Variants in SAMD5 observed in about 807,000 individuals in gnomAD.
The protein encoded by SAMD5 is sterile alpha motif domain containing 5.
In SAMD5, 13 loss-of-function variants were observed where a neutral mutation model predicts 11.3. The observed-to-expected ratio is 1.15, with a 90% confidence interval of 0.75 to 1.83. SAMD5 has a LOEUF of 1.83. Ranked by LOEUF, SAMD5 falls within the 40% of genes most tolerant of loss-of-function variation. The pLI, the probability that SAMD5 is intolerant of heterozygous loss-of-function variation, is 0.00. For synonymous variants in SAMD5, 129 were observed against 111.3 expected (o/e 1.16, Z -1.00); for missense variants, 255 against 239.1 (o/e 1.07, Z -0.44).
chr6:147,942,646 G>C, the SAMD5 span, among the ~76,000 whole-genome samples: 7 of 152,208 alleles, frequency 4.6e-5, no homozygotes, highest in Admixed American at 2.0e-4. Flanking sequence ...AGAGGCTCCT[G>C]TGGAAAAGCT....
intron 1 of SAMD5, among the ~76,000 whole-genome samples, chr6:147,605,871 G>A (rs1237648041): frequency 6.6e-6 from 1 of 152,066 alleles, no homozygotes; most frequent in African/African-American, 2.4e-5. Flanking sequence ...AAAAGGCAAA[G>A]GGAATAAAAC....
the SAMD5 span, among the ~76,000 whole-genome samples, chr6:147,915,449 T>C: frequency 6.6e-6 from 1 of 152,252 alleles, no homozygotes; most frequent in Non-Finnish European, 1.5e-5. Flanking sequence ...TGAGTTTGAA[T>C]ACTAGTCCAC....
chr6:147,761,105 C>T, the SAMD5 span, among the ~76,000 whole-genome samples: 3 of 152,088 alleles, frequency 2.0e-5, no homozygotes, highest in Admixed American at 2.0e-4. Flanking sequence ...CCTAACAATT[C>T]TCTAATTAAA....
chr6:147,697,425 A>C (rs1383324609), intron 1 of SAMD5, among the ~76,000 whole-genome samples: 2 of 152,238 alleles, frequency 1.3e-5, no homozygotes, highest in Non-Finnish European at 2.9e-5. Flanking sequence ...GCATGATTAC[A>C]GAAAACATGG....
chr6:147,775,479 C>G, the SAMD5 span, among the ~76,000 whole-genome samples: 4 of 152,282 alleles, frequency 2.6e-5, no homozygotes, highest in South Asian at 6.2e-4. Flanking sequence ...TCACACATCA[C>G]TATTCTTTTC....
chr6:147,744,956 G>T, the SAMD5 span, among the ~76,000 whole-genome samples: 1 of 141,856 alleles, frequency 7.0e-6, no homozygotes, highest in African/African-American at 2.9e-5. Context: ...ATCACCGGGT[G>T]TGAGGTTTAC....
chr6:147,738,368 G>A (rs536770428), downstream of SAMD5, among the ~76,000 whole-genome samples: 25 of 152,202 alleles, frequency 1.6e-4, no homozygotes, highest in African/African-American at 3.6e-4. Flanking sequence ...TACCTGTTTC[G>A]TTTCAAAATT....
the SAMD5 span, among the ~76,000 whole-genome samples, chr6:147,816,281 C>CAA: frequency 2.1e-3 from 59 of 27,820 alleles, 4 homozygotes; most frequent in Non-Finnish European, 2.3e-3. Flanking sequence ...ACTCCGTCTC[C>CAA]AAAAAAAAAA....
chr6:147,668,402 A>G (rs1243711878), intron 1 of SAMD5, among the ~76,000 whole-genome samples: 2 of 152,184 alleles, frequency 1.3e-5, no homozygotes, highest in African/African-American at 4.8e-5. Flanking sequence ...ATTGACAAGT[A>G]ATTTTCAGGG....
chr6:147,727,338 T>C (rs1791643236), intron 1 of SAMD5, among the ~76,000 whole-genome samples: 1 of 152,206 alleles, frequency 6.6e-6, no homozygotes, highest in African/African-American at 2.4e-5. Context: ...CTTTCTTATA[T>C]CCCTATATGC....
chr6:147,712,200 C>T (rs1478419249), intron 1 of SAMD5, among the ~76,000 whole-genome samples: 2 of 152,042 alleles, frequency 1.3e-5, no homozygotes, highest in Non-Finnish European at 2.9e-5. Context: ...AAAGTTTCAG[C>T]CAAGCAACTC....
chr6:147,893,212 A>C, the SAMD5 span, among the ~76,000 whole-genome samples: 2 of 152,162 alleles, frequency 1.3e-5, no homozygotes, highest in East Asian at 3.9e-4. Context: ...AGAAAAAAAA[A>C]AAAAAAGTAC....
chr6:147,754,743 C>T, the SAMD5 span, among the ~76,000 whole-genome samples: 2 of 152,062 alleles, frequency 1.3e-5, no homozygotes, highest in South Asian at 4.1e-4. Context: ...TTGTATATGG[C>T]AAGAGATAGG....
At chr6:147,886,803 G>A in the SAMD5 span, among the ~76,000 whole-genome samples, 2 of 152,188 alleles carry the variant, frequency 1.3e-5, no homozygotes, top group Admixed American at 1.3e-4. Flanking sequence ...GCTGTGAATG[G>A]AATTGAGGAG....
intron 1 of SAMD5, among the ~76,000 whole-genome samples, chr6:147,727,149 A>G (rs1378102739): frequency 6.6e-6 from 1 of 152,020 alleles, no homozygotes; most frequent in African/African-American, 2.4e-5. Context: ...ATTTCTCTCC[A>G]CTTGCCCTTA....
At chr6:147,697,112 TG>T (rs1476044009) in intron 1 of SAMD5, among the ~76,000 whole-genome samples, 12 of 152,110 alleles carry the variant, frequency 7.9e-5, no homozygotes, top group Non-Finnish European at 1.8e-4. Context: ...GCTAATCCCA[TG>T]TATTGTTACC....
chr6:147,640,580 G>A (rs531012563), intron 1 of SAMD5, among the ~76,000 whole-genome samples: 3 of 149,836 alleles, frequency 2.0e-5, no homozygotes, highest in Non-Finnish European at 4.4e-5. Flanking sequence ...ATTCAAGGAG[G>A]AAGCCTTAAG....
chr6:147,526,975 A>AT (rs1461427479), intron 1 of SAMD5, among the ~76,000 whole-genome samples: 1 of 152,164 alleles, frequency 6.6e-6, no homozygotes, highest in African/African-American at 2.4e-5. Flanking sequence ...CATTTTTAAC[A>AT]TTTTTGGATT....
chr6:147,757,923 A>G, the SAMD5 span, among the ~76,000 whole-genome samples: 11,803 of 152,206 alleles, frequency 0.078, 842 homozygotes, highest in East Asian at 0.34. Flanking sequence ...ACAAAGCAGC[A>G]TTGCAAGCCT....
Sources: gnomAD v4.1 joint callset for allele counts (sites outside exome capture counted in the v4.1 genomes callset) on GRCh38, gnomAD v4.1.1 for gene constraint, MANE v1.5 for transcripts, NCBI Gene and HGNC (gene_info 2026-07-23, HGNC 2026-07-21) for gene names.